Variants in SOX5 observed in about 807,000 individuals in gnomAD.
SOX5 encodes transcription factor SOX-5.
A neutral mutation model predicts 92.0 loss-of-function variants in SOX5; 9 were observed. The observed-to-expected ratio is 0.10, with a 90% CI of 0.06 to 0.17. The LOEUF (loss-of-function observed/expected upper bound fraction) is 0.17. Among genes scored for constraint, SOX5 ranks in the 10% least tolerant of loss-of-function variants. The probability of loss-of-function intolerance (pLI) is 1.00; values close to 1 mark genes in which losing one functional copy is unlikely to be tolerated. For missense variants in SOX5, 642 were observed against 944.5 expected (o/e 0.68, Z 4.20); for synonymous variants, 344 against 336.3 (o/e 1.02, Z -0.25).
intron 12 of SOX5, among the ~76,000 whole-genome samples, chr12:23,545,414 G>C (rs1171154710): frequency 6.6e-6 from 1 of 152,106 alleles, no homozygotes; most frequent in Admixed American, 6.6e-5. Context: ...TTCCCTCTTT[G>C]CTACGCTATT....
chr12:24,135,146 C>T (rs1338197964), intron 4 of SOX5, among the ~76,000 whole-genome samples: 1 of 152,206 alleles, frequency 6.6e-6, no homozygotes, highest in Non-Finnish European at 1.5e-5. Context: ...TACCCCAGAC[C>T]TGCTCCGCTA....
intron 4 of SOX5, among the ~76,000 whole-genome samples, chr12:24,172,822 T>C (rs1443568748): frequency 6.6e-6 from 1 of 152,208 alleles, no homozygotes; most frequent in Non-Finnish European, 1.5e-5. Flanking sequence ...AATTAGGCTA[T>C]GAAAGCAGAG....
chr12:23,978,710 T>C (rs1466409945), intron 4 of SOX5, among the ~76,000 whole-genome samples: 2 of 152,210 alleles, frequency 1.3e-5, no homozygotes, highest in African/African-American at 4.8e-5. Context: ...TATCTAGCTC[T>C]AAATGATGTC....
chr12:24,551,709 G>C (rs1022027844), intron 1 of SOX5, among the ~76,000 whole-genome samples: 1 of 152,086 alleles, frequency 6.6e-6, no homozygotes, highest in Admixed American at 6.5e-5. Context: ...GTTTTTCATT[G>C]TTTATTTGTT....
intron 2 of SOX5, among the ~76,000 whole-genome samples, chr12:23,866,318 T>C (rs2096813312): frequency 6.6e-6 from 1 of 152,168 alleles, no homozygotes; most frequent in South Asian, 2.1e-4. Flanking sequence ...TTTAAATATA[T>C]GGAATAGTCT....
At chr12:23,762,543 T>A (rs1355876226) in intron 3 of SOX5, 1 of 528,410 alleles carries the variant, frequency 1.9e-6, no homozygotes, top group Non-Finnish European at 3.3e-6. Context: ...GGAAATACTT[T>A]ACGTTTAGTA....
At chr12:24,104,123 T>A (rs1023415162) in intron 4 of SOX5, among the ~76,000 whole-genome samples, 15 of 152,226 alleles carry the variant, frequency 9.9e-5, no homozygotes, top group Non-Finnish European at 1.3e-4. Context: ...GAATTTTATC[T>A]ATGTTATTGG....
At position 24,088,656 on chromosome 12, in the gene SOX5, T is replaced by A. The variant is rs565664919; in HGVS notation, c.-2+124687A>T. On this transcript the variant is annotated intron_variant, in intron 4 of 4. Transcript: ENST00000446891. ...TTTTCTCTACTCACCCTTTAATCAC[T>A]ACCATTTCCGAGTATTTGTTGTTTC... Among the ~76,000 whole-genome samples, 4 of 152,040 alleles carry A rather than the reference T, an allele frequency of 2.6e-5. No homozygotes were observed. In the South Asian group the frequency reaches 8.3e-4, roughly 32 times the overall value.
At chr12:23,709,940 C>G (rs1165049124) in intron 6 of SOX5, among the ~76,000 whole-genome samples, 1 of 152,164 alleles carries the variant, frequency 6.6e-6, no homozygotes, top group Non-Finnish European at 1.5e-5. Context: ...TCTGCCCAGT[C>G]CAATATTTCA....
upstream of SOX5, among the ~76,000 whole-genome samples, chr12:23,955,097 A>G (rs1353107699): frequency 6.6e-6 from 1 of 152,154 alleles, no homozygotes. Context: ...GCTGGAGAAC[A>G]TCAAAATTAT....
intron 1 of SOX5, among the ~76,000 whole-genome samples, chr12:24,504,289 G>T (rs1948508906): frequency 6.6e-6 from 1 of 152,074 alleles, no homozygotes; most frequent in African/African-American, 2.4e-5. Flanking sequence ...AGGACTAACT[G>T]GTTAGTCTTC....
At chr12:24,016,332 A>T (rs1385329082) in intron 4 of SOX5, among the ~76,000 whole-genome samples, 1 of 152,186 alleles carries the variant, frequency 6.6e-6, no homozygotes, top group Non-Finnish European at 1.5e-5. Flanking sequence ...AAAAAAAACA[A>T]CCATACACAA....
intron 4 of SOX5, among the ~76,000 whole-genome samples, chr12:24,183,162 G>A (rs74937073): frequency 0.044 from 6,616 of 152,076 alleles, 365 homozygotes; most frequent in African/African-American, 0.12. Context: ...ATTAGTATGC[G>A]TTTTCTAGAT....
intron 4 of SOX5, among the ~76,000 whole-genome samples, chr12:24,046,243 T>A (rs555758374): frequency 2.0e-5 from 3 of 148,616 alleles, no homozygotes; most frequent in African/African-American, 7.4e-5. Context: ...AAGAAGAGAA[T>A]TTCTAAAAGG....
At chr12:24,429,650 A>ACC (rs1555289051) in intron 1 of SOX5, among the ~76,000 whole-genome samples, 9 of 151,414 alleles carry the variant, frequency 5.9e-5, no homozygotes, top group African/African-American at 1.9e-4. Context: ...ACACACACAC[A>ACC]CCCCATGAGC....
rs141402620 is a variant in SOX5 at position 24,495,557 on chromosome 12, T to G, written c.-251+66772A>C. Among the ~76,000 whole-genome samples the G allele has an allele frequency of 5.3e-5, 8 of 152,338 alleles. No homozygotes were observed. In the East Asian group the frequency reaches 1.5e-3, roughly 29 times the overall value. On this transcript the variant is annotated intron_variant, in intron 1 of 4. Coordinates refer to the SOX5 transcript ENST00000446891. ...AACAAATCTGGATGTTGATTTCTTT[T>G]CCATTTGAGTGAACACTTGAGAACA... is the stretch of plus-strand genomic sequence containing the variant.
chr12:24,394,851 T>C (rs1959493497), intron 1 of SOX5, among the ~76,000 whole-genome samples: 1 of 152,222 alleles, frequency 6.6e-6, no homozygotes, highest in Admixed American at 6.5e-5. Context: ...CTCCCAATCA[T>C]GTTGTGTTAT....
chr12:24,463,428 T>C (rs924669421), intron 1 of SOX5, among the ~76,000 whole-genome samples: 1 of 152,172 alleles, frequency 6.6e-6, no homozygotes, highest in Non-Finnish European at 1.5e-5. Context: ...GGAAACAGAA[T>C]GACAAGACCT....
At chr12:23,976,398 CAAAAAAACAAAAA>C (rs1441760408) in intron 4 of SOX5, among the ~76,000 whole-genome samples, 6 of 106,792 alleles carry the variant, frequency 5.6e-5, no homozygotes, top group East Asian at 3.2e-4. Flanking sequence ...ATTAAAAAAA[CAAAAAAACAAAAA>C]AAAAAAAAAA....
Sources: gnomAD v4.1 joint callset for allele counts (sites outside exome capture counted in the v4.1 genomes callset) on GRCh38, gnomAD v4.1.1 for gene constraint, MANE v1.5 for transcripts, NCBI Gene and HGNC (gene_info 2026-07-23, HGNC 2026-07-21) for gene names.